Variants in PSD3 observed in about 807,000 individuals in gnomAD.
PSD3 encodes the protein PH and SEC7 domain-containing protein 3.
PSD3 carries 49 observed loss-of-function variants against 105.5 expected under a neutral mutation model. The ratio of observed to expected loss-of-function variants is 0.46; its 90% CI spans 0.37 to 0.59. The LOEUF (loss-of-function observed/expected upper bound fraction) is 0.59, where lower values mean the gene tolerates loss of function less well. Among genes scored for constraint, PSD3 ranks in the 20% least tolerant of loss-of-function variants. The pLI, the probability that PSD3 is intolerant of heterozygous loss-of-function variation, is 0.00. For synonymous variants in PSD3, 557 were observed against 457.8 expected (o/e 1.22, Z -2.77); for missense variants, 1,561 against 1,263.8 (o/e 1.24, Z -3.57).
rs545420077 is a variant in PSD3 at position 18,881,161 on chromosome 8, A to G, written c.131-8428T>C. 2.6e-5 allele frequency among the ~76,000 whole-genome samples: 4 copies of G among 152,348 alleles called. 1 individual carries two copies. The highest frequency in any genetic ancestry group is 9.6e-5 in the African/African-American group (4 of 41,584). ...GCAAAGATGCTTTTCCTGCAATGAC[A>G]TATAAACCCACTGATTTTTTAAAGA... On this transcript the variant is annotated intron_variant, in intron 2 of 15. Coordinates refer to ENST00000327040, the MANE Select transcript of PSD3 (RefSeq NM_015310.4).
chr8:18,787,490 A>C (rs1460930412), intron 8 of PSD3, among the ~76,000 whole-genome samples: 3 of 152,128 alleles, frequency 2.0e-5, no homozygotes, highest in Non-Finnish European at 2.9e-5. Flanking sequence ...ATAGATGACA[A>C]AGTGGAAAGT....
intron 9 of PSD3, among the ~76,000 whole-genome samples, chr8:18,685,618 T>C (rs892984903): frequency 1.3e-5 from 2 of 152,188 alleles, no homozygotes; most frequent in East Asian, 3.8e-4. Flanking sequence ...AAACTGAAGC[T>C]ACCAAATAAC....
chr8:18,660,804 C>T (rs1046439653), intron 9 of PSD3, among the ~76,000 whole-genome samples: 4 of 152,186 alleles, frequency 2.6e-5, no homozygotes, highest in African/African-American at 9.7e-5. Context: ...AACTTAACCC[C>T]AGAGCCAGAT....
chr8:18,795,954 T>C lies in PSD3; in HGVS notation c.2082+3341A>G, dbSNP rs546956691. On this transcript the variant is annotated intron_variant, in intron 8 of 15. Coordinates refer to ENST00000327040, the MANE Select transcript of PSD3 (RefSeq NM_015310.4). ...CTAGAGTTTAAGAGAAATGTATCTG[T>C]ATGTGTAGAAGTTTAATTTACATAA... Among the ~76,000 whole-genome samples the C allele has an allele frequency of 8.6e-4, 131 of 152,344 alleles. 1 individual carries two copies. The highest frequency in any genetic ancestry group is 2.9e-3 in the African/African-American group (121 of 41,592).
chr8:18,614,059 A>G (rs1268430199), intron 11 of PSD3, among the ~76,000 whole-genome samples: 2 of 152,182 alleles, frequency 1.3e-5, no homozygotes, highest in Non-Finnish European at 2.9e-5. Context: ...TAAGGGCCCA[A>G]TAAATGTCTT....
rs369331368 is a variant in PSD3, at chr8:18,638,039, C to T, written c.2217-5233G>A. On this transcript the variant is annotated intron_variant, in intron 10 of 15. Transcript: ENST00000327040. ...ACTGCAGTGGCAGGTGCCTGTAATC[C>T]CAGCTACTTGGGAGGCTGAAGCAGA... 1.4e-4 allele frequency among the ~76,000 whole-genome samples: 22 copies of T among 151,942 alleles called. 1 individual carries two copies. In the East Asian group the frequency reaches 3.7e-3, roughly 25 times the overall value.
intron 13 of PSD3, among the ~76,000 whole-genome samples, chr8:18,573,428 C>A (rs1802272717): frequency 6.6e-6 from 1 of 152,132 alleles, no homozygotes; most frequent in South Asian, 2.1e-4. Context: ...AGAGATCACG[C>A]CACCGCACTC....
intron 14 of PSD3, among the ~76,000 whole-genome samples, chr8:18,567,160 T>TC (rs1404477414): frequency 6.6e-6 from 1 of 152,106 alleles, no homozygotes; most frequent in Non-Finnish European, 1.5e-5. Context: ...ACTCACCTTC[T>TC]CCCCTGGATC....
At chr8:18,804,414 T>C (rs866317851) in intron 6 of PSD3, 108 bp downstream of exon 6, 22 of 863,756 alleles carry the variant, frequency 2.5e-5, no homozygotes, top group East Asian at 1.1e-4. Flanking sequence ...CACCTATACA[T>C]GGAGGTTTAA....
intron 2 of PSD3, among the ~76,000 whole-genome samples, chr8:18,881,244 G>C (rs1818082741): frequency 6.6e-6 from 1 of 152,126 alleles, no homozygotes; most frequent in Non-Finnish European, 1.5e-5. Context: ...TGAATGTTAA[G>C]ATGAATTTTA....
intron 2 of PSD3, among the ~76,000 whole-genome samples, chr8:18,935,270 A>T (rs1055694939): frequency 6.6e-6 from 1 of 152,216 alleles, no homozygotes; most frequent in African/African-American, 2.4e-5. Flanking sequence ...TTAGGCCAAT[A>T]CTAAAAAGTA....
chr8:18,556,059 G>T lies in PSD3; in HGVS notation c.2928+150C>A, dbSNP rs1801050716. On this transcript the variant is annotated intron_variant, in intron 15 of 15. Transcript: ENST00000327040. ...CTTAAACAGAATCACAAACAAGAGG[G>T]GCCACCATGACCTTGCCAGGAGCTC... 4 of 811,050 alleles carry T rather than the reference G, an allele frequency of 4.9e-6. No homozygotes were observed. The Admixed American group carries it at 8.0e-5, about 16-fold the overall frequency. The allele number at this position is 811,050 out of a possible 1,614,324, so 50.2% of individuals were successfully genotyped here.
intron 9 of PSD3, among the ~76,000 whole-genome samples, chr8:18,667,233 T>C (rs191863203): frequency 2.6e-3 from 390 of 152,288 alleles, no homozygotes; most frequent in African/African-American, 9.0e-3. Context: ...TACAGAGAAC[T>C]GATTGGTCCA....
chr8:18,988,464 A>C (rs1262118052), intron 1 of PSD3, among the ~76,000 whole-genome samples: 1 of 152,226 alleles, frequency 6.6e-6, no homozygotes, highest in African/African-American at 2.4e-5. Flanking sequence ...CAAATAAATC[A>C]GGGAAGGCGG....
chr8:18,540,130 A>T (rs1429043409), intron 15 of PSD3, among the ~76,000 whole-genome samples: 1 of 152,210 alleles, frequency 6.6e-6, no homozygotes, highest in African/African-American at 2.4e-5. Flanking sequence ...TTGGCCCCTG[A>T]CATGTAAGTA....
At position 18,871,712 on chromosome 8, in the gene PSD3, A is replaced by G; in HGVS notation, c.1152T>C (p.Leu384=). The G allele has an allele frequency of 6.2e-7, 1 of 1,614,136 alleles. No homozygotes were observed. Among genetic ancestry groups the G allele is most frequent in the Non-Finnish European group, 8.5e-7 (1 of 1,180,018 alleles). The part of the protein sequence containing the change: ...TSSGTFSPVR[L]DESGEDEVFL... ...AGACTTCATCCTCTCCACTCTCATC[A>G]AGACGCACAGGGGAAAATGTCCCCG... The change falls in exon 3 of 16, where the codon CTT becomes CTC. Residue 384 remains leucine, a synonymous_variant. Coordinates refer to ENST00000327040, the MANE Select transcript of PSD3 (RefSeq NM_015310.4).
intron 9 of PSD3, among the ~76,000 whole-genome samples, chr8:18,758,104 A>G (rs911786793): frequency 6.6e-6 from 1 of 152,150 alleles, no homozygotes; most frequent in Admixed American, 6.5e-5. Context: ...GTATCCTCCA[A>G]TGGTAACATC....
At chr8:18,681,227 T>C (rs1437910277) in intron 9 of PSD3, among the ~76,000 whole-genome samples, 3 of 151,946 alleles carry the variant, frequency 2.0e-5, no homozygotes, top group Non-Finnish European at 4.4e-5. Context: ...GAGGTGGCAA[T>C]GGGGATCTTC....
chr8:18,551,979 T>C (rs759477299), intron 15 of PSD3, among the ~76,000 whole-genome samples: 4 of 152,312 alleles, frequency 2.6e-5, no homozygotes, highest in Non-Finnish European at 4.4e-5. Flanking sequence ...TCAGATGTGA[T>C]ATATTAATAA....
Sources: allele counts gnomAD v4.1 joint callset (sites outside exome capture counted in the v4.1 genomes callset), GRCh38; gene constraint gnomAD v4.1.1; transcripts MANE v1.5; gene names NCBI Gene and HGNC (gene_info 2026-07-23, HGNC 2026-07-21).